NOTCH2: variants seen among roughly 807,000 people sequenced by gnomAD.
The protein encoded by NOTCH2 is neurogenic locus notch homolog protein 2.
Under a neutral mutation model 235.8 loss-of-function variants are expected in NOTCH2, and 29 were observed. The ratio of observed to expected loss-of-function variants is 0.12; its 90% confidence interval spans 0.09 to 0.17. NOTCH2 has a LOEUF of 0.17. Among genes scored for constraint, NOTCH2 ranks in the 10% least tolerant of loss-of-function variants. The pLI is 1.00. For synonymous variants in NOTCH2, 1,086 were observed against 1,141.5 expected (o/e 0.95, Z 0.98); for missense variants, 2,285 against 3,150.2 (o/e 0.73, Z 6.57).
chr1:119,918,974 A>G (rs915943336), intron 31 of NOTCH2, among the ~76,000 whole-genome samples: 9 of 152,242 alleles, frequency 5.9e-5, no homozygotes, highest in African/African-American at 2.2e-4. Context: ...AGGCCAATCC[A>G]TAAGAAGTAG....
At chr1:119,954,415 C>A (rs1553198172) in intron 13 of NOTCH2, among the ~76,000 whole-genome samples, 1 of 152,208 alleles carries the variant, frequency 6.6e-6, no homozygotes, top group Admixed American at 6.5e-5. Context: ...CCACTAAACA[C>A]TCTTTATCCT....
chr1:120,034,313 T>C (rs1654221470), intron 1 of NOTCH2, among the ~76,000 whole-genome samples: 1 of 131,000 alleles, frequency 7.6e-6, no homozygotes, highest in Non-Finnish European at 1.5e-5. Flanking sequence ...CTGCTGTTTG[T>C]GCAGGCCCTC....
rs781986615 is a variant in NOTCH2, at chr1:119,936,065, A to G, written c.3523-461T>C. Among the ~76,000 whole-genome samples the G allele has an allele frequency of 3.9e-5, 6 of 152,108 alleles. No homozygotes were observed. In the South Asian group the frequency reaches 6.2e-4, roughly 16 times the overall value. ...ATCTATGTGTGAGAAACTGGTTGAG[A>G]TAGGCTTAGGGGTAGAGGGAGGTGG... On this transcript the variant is annotated intron_variant, in intron 21 of 33. Coordinates refer to ENST00000256646, the MANE Select transcript of NOTCH2 (RefSeq NM_024408.4).
chr1:119,985,666 G>C (rs1023683416), intron 5 of NOTCH2, among the ~76,000 whole-genome samples: 1 of 152,110 alleles, frequency 6.6e-6, no homozygotes, highest in Non-Finnish European at 1.5e-5. Context: ...AATACTGTAA[G>C]GATCATTAAA....
At chr1:119,996,604 T>C (rs1458998640) in intron 4 of NOTCH2, 14 of 815,464 alleles carry the variant, frequency 1.7e-5, no homozygotes, top group Non-Finnish European at 2.9e-5. Flanking sequence ...GTTGATCACC[T>C]ACTGTTAATG....
rs1250963006 is a variant in NOTCH2, at chr1:120,069,567, A to G, written c.-161T>C. 8.8e-6 allele frequency: 12 copies of G among 1,362,628 alleles called. No individual in the cohort carries two copies. The African/African-American group carries it at 1.6e-4, about 18-fold the overall frequency. 84.4% of individuals were successfully genotyped at this position (1,362,628 alleles called of 1,614,324 possible). On this transcript the variant is annotated 5_prime_UTR_variant, in exon 1 of 34. Transcript: ENST00000256646. Reference sequence around the variant, plus strand: ...CCGAAGCCCAGGCGCAAATGCCTCGACTCCCCGCGCCCCGAGTCCGCCGCT... The same window carrying G: ...CCGAAGCCCAGGCGCAAATGCCTCGGCTCCCCGCGCCCCGAGTCCGCCGCT...
At chr1:119,960,624 C>T (rs1553198884) in intron 11 of NOTCH2, among the ~76,000 whole-genome samples, 1 of 151,454 alleles carries the variant, frequency 6.6e-6, no homozygotes, top group African/African-American at 2.4e-5. Context: ...TATAAGAAAA[C>T]AAAACATCCA....
intron 23 of NOTCH2, among the ~76,000 whole-genome samples, chr1:119,928,649 A>G (rs1553194735): frequency 6.6e-6 from 1 of 152,168 alleles, no homozygotes; most frequent in East Asian, 1.9e-4. Context: ...CAGATAGTAA[A>G]TTTTAGGTTT....
chr1:120,001,001 CCTGTGCT>C (rs1652728180), intron 3 of NOTCH2, among the ~76,000 whole-genome samples: 1 of 151,872 alleles, frequency 6.6e-6, no homozygotes, highest in African/African-American at 2.4e-5. Context: ...GCCAGTCTTT[CCTGTGCT>C]ATTCTCATGA....
intron 5 of NOTCH2, among the ~76,000 whole-genome samples, chr1:119,971,354 C>T (rs1180192693): frequency 2.6e-5 from 4 of 152,208 alleles, no homozygotes; most frequent in African/African-American, 4.8e-5. Flanking sequence ...AAGGAGCAAC[C>T]ATGTCTTTAC....
chr1:119,924,310 C>T (rs1649390198), intron 25 of NOTCH2, among the ~76,000 whole-genome samples: 2 of 152,198 alleles, frequency 1.3e-5, no homozygotes, highest in African/African-American at 4.8e-5. Context: ...TTCATGCTTC[C>T]TCTACTTTAG....
At chr1:119,940,010 T>G (rs1224970330) in intron 19 of NOTCH2, among the ~76,000 whole-genome samples, 3 of 152,238 alleles carry the variant, frequency 2.0e-5, no homozygotes, top group African/African-American at 7.2e-5. Context: ...CCTCTGGGGC[T>G]GTTTCGCCTT....
At chr1:120,000,868 C>A (rs587595483) in intron 3 of NOTCH2, among the ~76,000 whole-genome samples, 1 of 152,070 alleles carries the variant, frequency 6.6e-6, no homozygotes, top group South Asian at 2.1e-4. Context: ...CTCTACCCCA[C>A]CAACACCTTT....
intron 15 of NOTCH2, 78 bp downstream of exon 15, chr1:119,950,646 C>T (rs781832354): frequency 1.1e-6 from 1 of 888,322 alleles, no homozygotes. Flanking sequence ...CCCCACAGAC[C>T]TGGGCACTGA....
intron 22 of NOTCH2, among the ~76,000 whole-genome samples, chr1:119,932,851 C>T (rs1457018719): frequency 1.3e-5 from 2 of 152,108 alleles, no homozygotes; most frequent in East Asian, 3.9e-4. Flanking sequence ...TAGAAAGAAA[C>T]ACAAACAACC....
At chr1:119,945,081 C>A (rs587727121) in intron 17 of NOTCH2, among the ~76,000 whole-genome samples, 5 of 151,810 alleles carry the variant, frequency 3.3e-5, no homozygotes, top group Admixed American at 3.3e-4. Context: ...AGAAGAGAGG[C>A]CAGGAGGAAT....
intron 2 of NOTCH2, among the ~76,000 whole-genome samples, chr1:120,029,557 G>A (rs1654012656): frequency 6.6e-6 from 1 of 151,776 alleles, no homozygotes; most frequent in Admixed American, 6.6e-5. Flanking sequence ...CACTATGTTG[G>A]CCAGGCTGAT....
intron 2 of NOTCH2, among the ~76,000 whole-genome samples, chr1:120,012,568 C>A (rs1369797289): frequency 6.6e-6 from 1 of 151,970 alleles, no homozygotes; most frequent in East Asian, 1.9e-4. Flanking sequence ...TTGATTGAGA[C>A]AACTTTTACA....
rs369586235 is a variant in NOTCH2 at position 119,919,302 on chromosome 1, T to G, written c.5781+10A>C. ...ATTATTATTCAAGTGACTCTTCTCA[T>G]GTTCTTTACCTGGAAGACACCTTGG... On this transcript the variant is annotated intron_variant, in intron 31 of 33. Coordinates refer to ENST00000256646, the MANE Select transcript of NOTCH2 (RefSeq NM_024408.4). 30 of 1,607,956 alleles carry G rather than the reference T, an allele frequency of 1.9e-5. No individual in the cohort carries two copies. The Middle Eastern group carries it at 6.3e-4, about 34-fold the overall frequency.
Sources: gnomAD v4.1 joint callset for allele counts (sites outside exome capture counted in the v4.1 genomes callset) on GRCh38, gnomAD v4.1.1 for gene constraint, MANE v1.5 for transcripts, NCBI Gene and HGNC (gene_info 2026-07-23, HGNC 2026-07-21) for gene names.